The following NLGN3 variants were observed in gnomAD, a reference collection of about 807,000 sequenced individuals.
NLGN3 encodes the protein neuroligin-3.
A neutral mutation model predicts 42.9 loss-of-function variants in NLGN3; 11 were observed. That is an observed-to-expected ratio of 0.26 (90% CI 0.16 to 0.42). NLGN3 has a LOEUF of 0.42. NLGN3 is among the 10% of genes least tolerant of loss of function. The probability of loss-of-function intolerance (pLI) is 1.00; values close to 1 mark genes in which losing one functional copy is unlikely to be tolerated. For synonymous variants in NLGN3, 279 were observed against 312.7 expected, an observed-to-expected ratio of 0.89 and a Z score of 1.14; for missense variants, 374 against 733.8, an observed-to-expected ratio of 0.51 and a Z score of 5.67.
intron 6 of NLGN3, among the ~76,000 whole-genome samples, chrX:71,166,351 G>A (rs1213868077): frequency 9.1e-6 from 1 of 109,791 alleles, no homozygotes; most frequent in Non-Finnish European, 1.9e-5. Context: ...AGCTACTCGG[G>A]AGGCTGAGGC....
chrX:71,148,112 C>T lies in NLGN3; in HGVS notation c.363C>T (p.Val121=), dbSNP rs780192530. The change falls in exon 2 of 8, where the codon GTC becomes GTT. Residue 121 remains valine (V), a synonymous_variant. Coordinates refer to ENST00000358741, the MANE Select transcript of NLGN3 (RefSeq NM_181303.2). ...CTGTGCCCGAAGTCATGCTGCCGGT[C>T]TGGTTCACTGCCAACTTGGATATCG... ...HTAVPEVMLP[V]WFTANLDIVA... is the part of the protein sequence containing the mutation. 8.3e-7 allele frequency: 1 copy of T among 1,210,867 alleles called. No individual in the cohort carries two copies. Among genetic ancestry groups the T allele is most frequent in the South Asian group, 1.8e-5 (1 of 56,954 alleles).
intron 3 of NLGN3, 29 bp downstream of exon 3, chrX:71,148,934 GA>G: frequency 1.0e-6 from 1 of 956,172 alleles, no homozygotes; most frequent in Non-Finnish European, 1.4e-6. Context: ...GGGAGGGAGA[GA>G]GAGAGAGAGG....
At chrX:71,165,121 T>C (rs1284693539) in intron 6 of NLGN3, among the ~76,000 whole-genome samples, 2 of 112,182 alleles carry the variant, frequency 1.8e-5, no homozygotes, top group Non-Finnish European at 3.8e-5. Flanking sequence ...ATGCTTTTTT[T>C]CTTTTTTAAT....
Position 71,155,341 on chromosome X carries a change from C to T in NLGN3, c.705C>T (p.Leu235=). ...ATGGCAATGTCATCGTCATCACCCT[C>T]AACTATCGGGTTGGAGTGCTAGGTA... is the stretch of plus-strand genomic sequence containing the variant. The part of the protein sequence containing the change: ...ASYGNVIVIT[L]NYRVGVLGFL... The change falls in exon 5 of 8, where the codon CTC becomes CTT. Residue 235 remains leucine (L), a synonymous_variant. Transcript: ENST00000358741. 1 of 1,212,300 alleles carries T rather than the reference C, an allele frequency of 8.2e-7. No individual in the cohort carries two copies. Among genetic ancestry groups the T allele is most frequent in the East Asian group, 3.0e-5 (1 of 33,864 alleles).
At position 71,153,520 on chromosome X, in the gene NLGN3, C is replaced by T. The variant is rs752709164; in HGVS notation, c.561C>T (p.Asp187=). ...KKQGEDLADN[D]GDEDEDIRDS... is the part of the protein sequence containing the mutation. ...AGGGCGAGGACTTAGCGGATAATGA[C>T]GGGGATGAAGATGAAGGTATTTGGG... is the stretch of plus-strand genomic sequence containing the variant. The change falls in exon 4 of 8, where the codon GAC becomes GAT. Residue 187 remains aspartate (D), a synonymous_variant. Transcript: ENST00000358741. The T allele has an allele frequency of 1.2e-5, 14 of 1,208,776 alleles. No individual in the cohort carries two copies. Among genetic ancestry groups the T allele is most frequent in the Non-Finnish European group, 1.6e-5 (14 of 893,756 alleles).
At position 71,164,127 on chromosome X, in the gene NLGN3, C is replaced by T. The variant is rs2092439196; in HGVS notation, c.728-16C>T. Reference sequence around the variant, plus strand: ...CCCTCTGCCTTCATTGTCTTCATGCCCTTTGTTGAATCCAGGTTTCCTGAG... The same window carrying T: ...CCCTCTGCCTTCATTGTCTTCATGCTCTTTGTTGAATCCAGGTTTCCTGAG... On this transcript the variant is annotated splice_polypyrimidine_tract_variant and intron_variant, in intron 5 of 7. Coordinates refer to ENST00000358741, the MANE Select transcript of NLGN3 (RefSeq NM_181303.2). The T allele has an allele frequency of 8.3e-7, 1 of 1,209,427 alleles. No individual in the cohort carries two copies. Among genetic ancestry groups the T allele is most frequent in the Admixed American group, 2.2e-5 (1 of 46,013 alleles).
chrX:71,166,911 C>T, intron 6 of NLGN3, 100 bp from the exon 7 acceptor site: 1 of 757,302 alleles, frequency 1.3e-6, no homozygotes, highest in Non-Finnish European at 2.0e-6. Context: ...CCTTCCTAGC[C>T]CATTTAAACC....
intron 5 of NLGN3, among the ~76,000 whole-genome samples, chrX:71,158,817 A>G (rs1289185467): frequency 8.9e-6 from 1 of 111,846 alleles, no homozygotes; most frequent in Admixed American, 9.4e-5. Context: ...GCCGCACAGA[A>G]GGCTGTCGCT....
intron 1 of NLGN3, among the ~76,000 whole-genome samples, chrX:71,145,353 G>A (rs1195307306): frequency 1.4e-5 from 1 of 71,496 alleles, no homozygotes; most frequent in African/African-American, 5.9e-5. Context: ...CCCACTATCT[G>A]CAGCCCCCCC....
chrX:71,166,030 T>C (rs762557286), intron 6 of NLGN3, among the ~76,000 whole-genome samples: 5 of 111,612 alleles, frequency 4.5e-5, no homozygotes, highest in Non-Finnish European at 3.8e-5. Context: ...CTTGGGAATG[T>C]TGGGGCCAGG....
intron 6 of NLGN3, among the ~76,000 whole-genome samples, chrX:71,164,766 A>G (rs1360690933): frequency 9.0e-6 from 1 of 111,402 alleles, no homozygotes; most frequent in Non-Finnish European, 1.9e-5. Flanking sequence ...ACAAGAGGGG[A>G]AACATCCTAG....
chrX:71,152,156 G>C (rs1447783206), intron 3 of NLGN3, among the ~76,000 whole-genome samples: 2 of 110,995 alleles, frequency 1.8e-5, no homozygotes, highest in African/African-American at 6.6e-5. Flanking sequence ...ATAGATGCCT[G>C]GGTTGGCAGC....
Position 71,147,986 on chromosome X carries a change from C to T in NLGN3, c.237C>T (p.Ile79=), listed in dbSNP as rs756256945. ...YLGVPYAAPP[I]GEKRFLPPEP... is the part of the protein sequence containing the mutation. ...GGGTGCCCTACGCAGCTCCCCCGAT[C>T]GGCGAGAAACGTTTCCTGCCCCCTG... Residue 79 remains isoleucine, a synonymous_variant, in exon 2 of 8, where the codon ATC becomes ATT. Coordinates refer to ENST00000358741, the MANE Select transcript of NLGN3 (RefSeq NM_181303.2). 1.1e-5 allele frequency: 13 copies of T among 1,205,288 alleles called. No individual in the cohort carries two copies. Among genetic ancestry groups the T allele is most frequent in the Admixed American group, 8.8e-5 (4 of 45,674 alleles).
Position 71,147,540 on chromosome X carries a change from C to T in NLGN3, c.-200-10C>T. On this transcript the variant is annotated splice_polypyrimidine_tract_variant and intron_variant, in intron 1 of 7. Coordinates refer to ENST00000358741, the MANE Select transcript of NLGN3 (RefSeq NM_181303.2). ...CATCTTGGATGACGCATACTTCCCT[C>T]TTTCCACAGGCCTGTCTGGCCCTGA... The T allele has an allele frequency of 2.2e-6, 1 of 450,795 alleles. No individual in the cohort carries two copies. Among genetic ancestry groups the T allele is most frequent in the East Asian group, 3.7e-5 (1 of 27,108 alleles). The allele number at this position is 450,795 out of a possible 1,213,427, so 37.2% of individuals were successfully genotyped here. A position where few individuals can be genotyped will look rare whatever the true frequency, so the allele number is the denominator to read the frequency against.
chrX:71,161,478 T>C (rs1041975571), intron 5 of NLGN3, among the ~76,000 whole-genome samples: 4 of 110,294 alleles, frequency 3.6e-5, no homozygotes, highest in Admixed American at 9.7e-5. Flanking sequence ...ATCATCCACA[T>C]GCTTCAGGGC....
At chrX:71,160,111 C>A (rs1369842153) in intron 5 of NLGN3, among the ~76,000 whole-genome samples, 2 of 107,805 alleles carry the variant, frequency 1.9e-5, no homozygotes, top group Non-Finnish European at 3.8e-5. Context: ...TTGTTTTGGA[C>A]CCCAGTCACA....
At position 71,169,598 on chromosome X, in the gene NLGN3, C is replaced by T. The variant is rs142786108; in HGVS notation, c.2048C>T (p.Ala683Val). Residue 683 changes from alanine to valine, a missense_variant, in exon 8 of 8, where the codon GCC (alanine) becomes GTC (valine). Ala to Val is a moderately conservative substitution (Grantham distance 64). Transcript: ENST00000358741. ...TCACCTGCCTACAGCAACGAGAATGCCCAGGGGTCCTGGAACGGGGACCAG... is the reference window on the plus strand; with the variant it reads ...TCACCTGCCTACAGCAACGAGAATGTCCAGGGGTCCTGGAACGGGGACCAG... Reference protein sequence around the residue: ...AISPAYSNENAQGSWNGDQDA... With the variant: ...AISPAYSNENVQGSWNGDQDA... 6.6e-6 allele frequency: 8 copies of T among 1,210,447 alleles called. No individual in the cohort carries two copies. In the African/African-American group the frequency reaches 1.4e-4, roughly 21 times the overall value.
At chrX:71,166,035 G>A (rs1237804360) in intron 6 of NLGN3, among the ~76,000 whole-genome samples, 1 of 111,257 alleles carries the variant, frequency 9.0e-6, no homozygotes, top group Non-Finnish European at 1.9e-5. Context: ...GAATGTTGGG[G>A]CCAGGGAGAG....
chrX:71,168,592 G>A (rs751144402), intron 7 of NLGN3, among the ~76,000 whole-genome samples: 12 of 107,372 alleles, frequency 1.1e-4, no homozygotes, highest in Non-Finnish European at 2.1e-4. Context: ...TTTGCCAGGC[G>A]TGGTGGCGGG....
Sources: gnomAD v4.1 joint callset for allele counts (sites outside exome capture counted in the v4.1 genomes callset) on GRCh38, gnomAD v4.1.1 for gene constraint, MANE v1.5 for transcripts, NCBI Gene and HGNC (gene_info 2026-07-23, HGNC 2026-07-21) for gene names.